Variants in BNC2 observed in about 807,000 individuals in gnomAD.
BNC2 encodes zinc finger protein basonuclin-2.
A neutral mutation model predicts 76.3 loss-of-function variants in BNC2; 20 were observed. The ratio of observed to expected loss-of-function variants is 0.26; its 90% CI spans 0.18 to 0.38. The LOEUF is 0.38. BNC2 is among the 10% of genes least tolerant of loss of function. The probability of loss-of-function intolerance (pLI) is 1.00; values close to 1 mark genes in which losing one functional copy is unlikely to be tolerated. For synonymous variants in BNC2, 582 were observed against 514.8 expected, an observed-to-expected ratio of 1.13 and a Z score of -1.77; for missense variants, 1,382 against 1,399.8, an observed-to-expected ratio of 0.99 and a Z score of 0.20.
chr9:16,482,594 A>G (rs1395075046), intron 5 of BNC2, among the ~76,000 whole-genome samples: 1 of 152,228 alleles, frequency 6.6e-6, no homozygotes, highest in East Asian at 1.9e-4. Flanking sequence ...ACATACTCAT[A>G]GAAGGATGAT....
intron 1 of BNC2, among the ~76,000 whole-genome samples, chr9:16,770,770 G>A (rs1421714925): frequency 6.6e-6 from 1 of 152,008 alleles, no homozygotes; most frequent in African/African-American, 2.4e-5. Context: ...GGGCTGAGGT[G>A]GGAGAATCGC....
chr9:16,742,885 T>C (rs1824890608), intron 1 of BNC2, among the ~76,000 whole-genome samples: 1 of 152,206 alleles, frequency 6.6e-6, no homozygotes, highest in African/African-American at 2.4e-5. Flanking sequence ...TAAGCTACTA[T>C]TTCACTGGAA....
At chr9:16,827,081 A>C (rs1563960833) in intron 1 of BNC2, among the ~76,000 whole-genome samples, 1 of 152,226 alleles carries the variant, frequency 6.6e-6, no homozygotes, top group African/African-American at 2.4e-5. Flanking sequence ...GATAGCTACC[A>C]CAGCACTGAC....
chr9:16,437,424 A>G lies in BNC2; in HGVS notation c.770T>C (p.Ile257Thr), dbSNP rs762218331. ...CTCCTGAATTGCCATCAGCTCCACA[A>G]TGGATTTGGTTTCTCCAAACCGCAG... is the stretch of plus-strand genomic sequence containing the variant. Reference protein sequence around the residue: ...QFLRFGETKSIVELMAIQEKE... With the variant: ...QFLRFGETKSTVELMAIQEKE... Residue 257 changes from isoleucine to threonine, a missense_variant, in exon 6 of 7, where the codon ATT becomes ACT. Coordinates refer to ENST00000380672, the MANE Select transcript of BNC2 (RefSeq NM_017637.6). The G allele has an allele frequency of 3.1e-6, 5 of 1,612,100 alleles. No homozygotes were observed. Among genetic ancestry groups the G allele is most frequent in the Admixed American group, 1.7e-5 (1 of 59,898 alleles).
intron 5 of BNC2, among the ~76,000 whole-genome samples, chr9:16,437,894 A>C (rs935150178): frequency 6.6e-6 from 1 of 152,202 alleles, no homozygotes; most frequent in African/African-American, 2.4e-5. Flanking sequence ...TGTGAAATCC[A>C]ATATAAATGA....
At position 16,419,479 on chromosome 9, in the gene BNC2, G is replaced by A. The variant is rs754893610; in HGVS notation, c.2810C>T (p.Ser937Phe). 3.1e-6 allele frequency: 5 copies of A among 1,614,136 alleles called. No homozygotes were observed. The highest frequency in any genetic ancestry group is 3.3e-4 in the Middle Eastern group (2 of 6,062). The change falls in exon 7 of 7, where the codon TCT becomes TTT. Residue 937 changes from serine (S) to phenylalanine (F), a missense_variant. Coordinates refer to ENST00000380672, the MANE Select transcript of BNC2 (RefSeq NM_017637.6). ...GTGGGAGTCTTCAGTCCCTGCGGGA[G>A]AGGAGGCGTCTTCCCTGACATCGAG... Reference protein sequence around the residue: ...MGLDVREDASSPAGTEDSHLN... With the variant: ...MGLDVREDASFPAGTEDSHLN...
intron 3 of BNC2, among the ~76,000 whole-genome samples, chr9:16,659,562 T>G (rs142855229): frequency 6.7e-6 from 1 of 148,292 alleles, no homozygotes; most frequent in Non-Finnish European, 1.5e-5. Flanking sequence ...TAGCCGAGAT[T>G]GCACCACTGC....
chr9:16,519,745 A>G (rs909535987), intron 5 of BNC2, among the ~76,000 whole-genome samples: 1 of 152,220 alleles, frequency 6.6e-6, no homozygotes, highest in Admixed American at 6.5e-5. Flanking sequence ...TATCATTTCT[A>G]TTTCACAGAA....
intron 5 of BNC2, among the ~76,000 whole-genome samples, chr9:16,460,939 C>T (rs1246511565): frequency 6.6e-6 from 1 of 151,800 alleles, no homozygotes; most frequent in Non-Finnish European, 1.5e-5. Context: ...TAACTGAAAT[C>T]TTGATCCTAC....
At chr9:16,498,107 T>C (rs904429581) in intron 5 of BNC2, among the ~76,000 whole-genome samples, 1 of 146,328 alleles carries the variant, frequency 6.8e-6, no homozygotes, top group Non-Finnish European at 1.5e-5. Context: ...ATATATATTC[T>C]ATCATATGTA....
intron 3 of BNC2, among the ~76,000 whole-genome samples, chr9:16,676,595 T>C (rs1822650099): frequency 6.6e-6 from 1 of 152,218 alleles, no homozygotes; most frequent in Non-Finnish European, 1.5e-5. Flanking sequence ...AATGCAGAAA[T>C]GTAGTTAAGT....
At chr9:16,845,881 G>A (rs1032448319) in intron 1 of BNC2, among the ~76,000 whole-genome samples, 2 of 152,070 alleles carry the variant, frequency 1.3e-5, no homozygotes, top group Non-Finnish European at 2.9e-5. Flanking sequence ...CGGGCGCGGT[G>A]GCTCACGCCT....
At chr9:16,765,301 G>C (rs1259603008) in intron 1 of BNC2, among the ~76,000 whole-genome samples, 1 of 152,086 alleles carries the variant, frequency 6.6e-6, no homozygotes, top group Non-Finnish European at 1.5e-5. Flanking sequence ...TTCTGGCTAA[G>C]ACTCCTAAAA....
At chr9:16,751,142 A>G (rs1825179472) in intron 1 of BNC2, among the ~76,000 whole-genome samples, 1 of 152,108 alleles carries the variant, frequency 6.6e-6, no homozygotes, top group Non-Finnish European at 1.5e-5. Context: ...AGGTAAGCAC[A>G]AGGAAAACAT....
rs1385142815 is a variant in BNC2, at chr9:16,796,025, C to T, written c.4-57540G>A. The stretch of plus-strand genomic sequence containing the variant: ...GGCTCAGAGAGACAATTTACGCAGT[C>T]TCAAAGCTCTTAAATGAAGACAATG... On this transcript the variant is annotated intron_variant, in intron 1 of 6. Coordinates refer to ENST00000380672, the MANE Select transcript of BNC2 (RefSeq NM_017637.6). 1.3e-5 allele frequency among the ~76,000 whole-genome samples: 2 copies of T among 152,188 alleles called. 1 individual carries two copies. Among genetic ancestry groups the T allele is most frequent in the Non-Finnish European group, 2.9e-5 (2 of 68,034 alleles).
chr9:16,555,597 C>T (rs1011395216), intron 4 of BNC2, among the ~76,000 whole-genome samples: 2 of 151,656 alleles, frequency 1.3e-5, no homozygotes, highest in African/African-American at 4.9e-5. Flanking sequence ...AGTTCAAGAC[C>T]GGCCTGGGCA....
intron 3 of BNC2, among the ~76,000 whole-genome samples, chr9:16,653,862 C>A (rs1342047602): frequency 1.3e-5 from 2 of 152,130 alleles, no homozygotes; most frequent in Non-Finnish European, 2.9e-5. Context: ...TGTGGCAGAA[C>A]CTCTTGTCTG....
intron 3 of BNC2, among the ~76,000 whole-genome samples, chr9:16,590,478 C>G (rs1051423222): frequency 6.6e-6 from 1 of 151,788 alleles, no homozygotes; most frequent in African/African-American, 2.4e-5. Flanking sequence ...CAGGCATGAG[C>G]CACTGTGCCT....
chr9:16,537,390 ATAT>A (rs1334244759), intron 5 of BNC2, among the ~76,000 whole-genome samples: 1 of 152,140 alleles, frequency 6.6e-6, no homozygotes, highest in African/African-American at 2.4e-5. Context: ...TCTTTTAGAA[ATAT>A]TATTGCTGTA....
Sources: allele counts gnomAD v4.1 joint callset (sites outside exome capture counted in the v4.1 genomes callset), GRCh38; gene constraint gnomAD v4.1.1; transcripts MANE v1.5; gene names NCBI Gene and HGNC (gene_info 2026-07-23, HGNC 2026-07-21).